Variants in PI4KA observed in about 807,000 individuals in gnomAD.
The protein encoded by PI4KA is phosphatidylinositol 4-kinase alpha, also known as PI4-kinase alpha.
PI4KA carries 122 observed loss-of-function variants against 271.4 expected under a neutral mutation model. That is an observed-to-expected ratio of 0.45 (90% confidence interval 0.39 to 0.52). The LOEUF is 0.52. PI4KA is among the 20% of genes least tolerant of loss of function. PI4KA has a pLI of 0.00. For missense variants in PI4KA, 1,969 were observed against 2,769.1 expected (o/e 0.71, Z 6.48); for synonymous variants, 1,041 against 1,078.8 (o/e 0.96, Z 0.69).
chr22:20,780,064 C>T, intron 19 of PI4KA: 2 of 1,614,174 alleles, frequency 1.2e-6, no homozygotes, highest in East Asian at 4.5e-5. Context: ...GCCCAGATAG[C>T]TGACTTCTCA....
chr22:20,744,587 G>A, intron 30 of PI4KA, 41 bp downstream of exon 30: 3 of 1,429,602 alleles, frequency 2.1e-6, no homozygotes, highest in Non-Finnish European at 3.0e-6. Flanking sequence ...AAAACAAGAG[G>A]ACACGTTAAA....
At position 20,819,702 on chromosome 22, in the gene PI4KA, A is replaced by G; in HGVS notation, c.728T>C (p.Leu243Pro). 6.2e-7 allele frequency: 1 copy of G among 1,614,110 alleles called. No homozygotes were observed. The highest frequency in any genetic ancestry group is 8.5e-7 in the Non-Finnish European group (1 of 1,179,994). Reference sequence around the variant, plus strand: ...CAGGGTACCCTCCTGACAGACAGTCAGCAGATTGCTGGGGAGGATGGAGCG... The same window carrying G: ...CAGGGTACCCTCCTGACAGACAGTCGGCAGATTGCTGGGGAGGATGGAGCG... Reference protein sequence around the residue: ...DFRSILPSNLLTVCQEGTLKR... With the variant: ...DFRSILPSNLPTVCQEGTLKR... The change falls in exon 6 of 55, where the codon CTG becomes CCG. Residue 243 changes from leucine (L) to proline (P), a missense_variant. This residue lies in a region of PI4KA where 540 missense variants were observed against 555.5 expected (regional missense o/e 0.97). Transcript: ENST00000255882.
chr22:20,817,582 C>G (rs1288778123), intron 7 of PI4KA, among the ~76,000 whole-genome samples: 1 of 150,446 alleles, frequency 6.6e-6, no homozygotes, highest in Non-Finnish European at 1.5e-5. Context: ...AAAAAATACA[C>G]AAGTTAGTGG....
rs771726777 is a variant in PI4KA, at chr22:20,803,257, C to G, written c.1525G>C (p.Asp509His). The change falls in exon 13 of 55, where the codon GAC becomes CAC. Residue 509 changes from aspartate to histidine, a missense_variant. Asp to His is a moderately conservative substitution (Grantham distance 81). This residue lies in a region of PI4KA where 228 missense variants were observed against 261.6 expected (regional missense o/e 0.87). Transcript: ENST00000255882. The part of the protein sequence containing the change: ...VVHSVTPSLR[D>H]FLVIPSPVLV... ...ACTGGGGACGGGATGACCAGGAAGTCTCGCAAGGACGGTGTCACAGAGTGC... is the reference window on the plus strand; with the variant it reads ...ACTGGGGACGGGATGACCAGGAAGTGTCGCAAGGACGGTGTCACAGAGTGC... 1.2e-6 allele frequency: 2 copies of G among 1,614,140 alleles called. No individual in the cohort carries two copies. The highest frequency in any genetic ancestry group is 3.3e-5 in the Admixed American group (2 of 60,032).
chr22:20,773,918 G>A (rs165730), intron 19 of PI4KA: 69,592 of 152,084 alleles, frequency 0.46, 16,521 homozygotes, highest in African/African-American at 0.57. Context: ...TATACTCAAA[G>A]TGTCAGCTCT....
intron 9 of PI4KA, among the ~76,000 whole-genome samples, chr22:20,808,695 T>A (rs975207606): frequency 8.6e-5 from 13 of 151,886 alleles, no homozygotes; most frequent in Admixed American, 1.3e-4. Context: ...TTTTTTTTTT[T>A]AGAGATAGGG....
rs144725849 is a variant in PI4KA at position 20,733,807 on chromosome 22, A to G, written c.4089T>C (p.Asp1363=). The part of the protein sequence containing the change: ...LTLGLSLLHA[D]VVPNATIRNV... ...TGCGGATGGTTGCATTTGGAACCAC[A>G]TCGGCATGCAGGAGGGACAGCCCCA... is the stretch of plus-strand genomic sequence containing the variant. Residue 1363 remains aspartate (D), a synonymous_variant, in exon 35 of 55, where the codon GAT becomes GAC. Transcript: ENST00000255882. 8 of 1,612,448 alleles carry G rather than the reference A, an allele frequency of 5.0e-6. No individual in the cohort carries two copies. Among genetic ancestry groups the G allele is most frequent in the Middle Eastern group, 2.1e-4 (1 of 4,796 alleles).
chr22:20,739,575 TATAGAAAC>T (rs1929164144), intron 32 of PI4KA, among the ~76,000 whole-genome samples: 1 of 151,266 alleles, frequency 6.6e-6, no homozygotes, highest in Middle Eastern at 3.4e-3. Context: ...CAATGTCCAG[TATAGAAAC>T]AAAAACTTTC....
chr22:20,846,613 CG>C (rs1569097853), intron 1 of PI4KA, among the ~76,000 whole-genome samples: 1 of 150,388 alleles, frequency 6.6e-6, no homozygotes, highest in Non-Finnish European at 1.5e-5. Context: ...GAGGCCAAGG[CG>C]GGTGGATCAC....
intron 7 of PI4KA, among the ~76,000 whole-genome samples, chr22:20,816,329 A>G (rs1921805325): frequency 6.6e-6 from 1 of 151,726 alleles, no homozygotes; most frequent in Non-Finnish European, 1.5e-5. Flanking sequence ...GGGTCTCACT[A>G]TGTTGCCCAG....
intron 45 of PI4KA, among the ~76,000 whole-genome samples, chr22:20,716,656 G>C (rs1350126951): frequency 1.3e-5 from 2 of 152,136 alleles, no homozygotes; most frequent in Non-Finnish European, 2.9e-5. Flanking sequence ...GCAAGACTCA[G>C]CCAACACAAT....
At chr22:20,743,685 G>C (rs1303258534) in intron 30 of PI4KA, among the ~76,000 whole-genome samples, 1 of 152,158 alleles carries the variant, frequency 6.6e-6, no homozygotes, top group Non-Finnish European at 1.5e-5. Flanking sequence ...ACAAGTGACA[G>C]AGTGCTAAGA....
At chr22:20,759,528 C>T (rs1425098730) in intron 23 of PI4KA, among the ~76,000 whole-genome samples, 4 of 151,478 alleles carry the variant, frequency 2.6e-5, no homozygotes, top group African/African-American at 9.7e-5. Flanking sequence ...CTCAGCCTCC[C>T]CAGCAGCTGG....
At chr22:20,844,223 C>T (rs1925959575) in intron 1 of PI4KA, among the ~76,000 whole-genome samples, 1 of 152,204 alleles carries the variant, frequency 6.6e-6, no homozygotes, top group South Asian at 2.1e-4. Flanking sequence ...CTCCACTGCA[C>T]CCTACACATT....
Position 20,824,393 on chromosome 22 carries a change from C to T in PI4KA, c.389G>A (p.Ser130Asn), listed in dbSNP as rs564763169. 2 of 1,613,130 alleles carry T rather than the reference C, an allele frequency of 1.2e-6. No individual in the cohort carries two copies. The highest frequency in any genetic ancestry group is 1.3e-5 in the African/African-American group (1 of 74,984). Residue 130 changes from serine (S) to asparagine (N), a missense_variant, in exon 4 of 55, where the codon AGC (serine) becomes AAC (asparagine). By Grantham distance (46) the Ser-to-Asn change is conservative (BLOSUM62 1). Transcript: ENST00000255882. Reference sequence around the variant, plus strand: ...CAGAGTTACCAAGCAGAAGCTGAAGCTCTCTGCAACCGGGAGGGCACCTGG... The same window carrying T: ...CAGAGTTACCAAGCAGAAGCTGAAGTTCTCTGCAACCGGGAGGGCACCTGG... Reference protein sequence around the residue: ...KGRGALPVAESFSFCLVTLLS... With the variant: ...KGRGALPVAENFSFCLVTLLS...
chr22:20,749,331 T>C (rs1439311790), intron 28 of PI4KA, among the ~76,000 whole-genome samples: 1 of 152,232 alleles, frequency 6.6e-6, no homozygotes, highest in African/African-American at 2.4e-5. Flanking sequence ...TCCAGAGGTA[T>C]TTTTCTCATC....
chr22:20,825,467 T>C (rs953914745), intron 3 of PI4KA, among the ~76,000 whole-genome samples: 13 of 152,222 alleles, frequency 8.5e-5, no homozygotes, highest in Admixed American at 7.8e-4. Flanking sequence ...TGGTGATGCA[T>C]GCCTGTAATC....
At chr22:20,780,789 A>G (rs935995027) in intron 19 of PI4KA, among the ~76,000 whole-genome samples, 1 of 151,278 alleles carries the variant, frequency 6.6e-6, no homozygotes, top group African/African-American at 2.4e-5. Flanking sequence ...AAAAAAAAAA[A>G]AAGAAGTAAA....
At chr22:20,857,731 G>A (rs1055209274) in intron 1 of PI4KA, among the ~76,000 whole-genome samples, 1 of 152,176 alleles carries the variant, frequency 6.6e-6, no homozygotes, top group Admixed American at 6.5e-5. Context: ...AGGATACAGA[G>A]GCTCTAAGAG....
Sources: allele counts gnomAD v4.1 joint callset (sites outside exome capture counted in the v4.1 genomes callset), GRCh38; gene constraint gnomAD v4.1.1; regional missense constraint gnomAD v4.1.1; transcripts MANE v1.5; gene names NCBI Gene and HGNC (gene_info 2026-07-23, HGNC 2026-07-21).